NPAS3: variants seen among roughly 807,000 people sequenced by gnomAD.
NPAS3 encodes neuronal PAS domain-containing protein 3.
In NPAS3, 14 loss-of-function variants were observed where a neutral mutation model predicts 73.1. The ratio of observed to expected loss-of-function variants is 0.19; its 90% CI spans 0.13 to 0.30. The LOEUF (loss-of-function observed/expected upper bound fraction) is 0.30, where lower values mean the gene tolerates loss of function less well. Ranked by LOEUF, NPAS3 falls within the 10% of genes least tolerant of loss-of-function variation. The probability of loss-of-function intolerance (pLI) is 1.00; values close to 1 mark genes in which losing one functional copy is unlikely to be tolerated. For missense variants in NPAS3, 1,096 were observed against 1,250.0 expected, an observed-to-expected ratio of 0.88 and a Z score of 1.86; for synonymous variants, 620 against 541.5, an observed-to-expected ratio of 1.14 and a Z score of -2.01.
intron 4 of NPAS3, among the ~76,000 whole-genome samples, chr14:33,515,284 A>C (rs2140047989): frequency 6.6e-6 from 1 of 152,248 alleles, no homozygotes; most frequent in East Asian, 1.9e-4. Flanking sequence ...ACATGGAATA[A>C]GAATGAGTAA....
At chr14:33,621,367 A>G (rs924313945) in intron 5 of NPAS3, among the ~76,000 whole-genome samples, 9 of 152,188 alleles carry the variant, frequency 5.9e-5, no homozygotes, top group Admixed American at 6.5e-5. Context: ...CAAAGTGTTC[A>G]TGTAAAAATC....
At chr14:33,670,856 G>A (rs906053950) in intron 5 of NPAS3, among the ~76,000 whole-genome samples, 10 of 149,796 alleles carry the variant, frequency 6.7e-5, no homozygotes, top group Non-Finnish European at 1.5e-4. Context: ...AGTGGGGCCT[G>A]GATGCAGAAG....
rs377484678 is a variant in NPAS3, at chr14:33,570,617, C to T, written c.558+10407C>T. ...TCCACTACATTTCAAAACCTTTTCA[C>T]TTGAGCAGACAAGTAAATCATGCAA... On this transcript the variant is annotated intron_variant, in intron 5 of 11. Coordinates refer to ENST00000356141, the Ensembl canonical transcript of NPAS3. 1.2e-4 allele frequency among the ~76,000 whole-genome samples: 18 copies of T among 152,284 alleles called. No homozygotes were observed. The South Asian group carries it at 3.7e-3, about 32-fold the overall frequency.
chr14:33,548,683 T>C (rs1222929104), intron 4 of NPAS3, among the ~76,000 whole-genome samples: 1 of 152,216 alleles, frequency 6.6e-6, no homozygotes, highest in Non-Finnish European at 1.5e-5. Flanking sequence ...GTAGATTGTT[T>C]TGTGGCAATC....
At chr14:33,545,027 CACCCTGTATTTCCTT>C (rs1439036465) in intron 4 of NPAS3, among the ~76,000 whole-genome samples, 1 of 150,984 alleles carries the variant, frequency 6.6e-6, no homozygotes, top group Non-Finnish European at 1.5e-5. Context: ...CCAAGTGTCC[CACCCTGTATTTCCTT>C]AATTTGTCTC....
chr14:33,459,194 G>A (rs945236718), intron 4 of NPAS3, among the ~76,000 whole-genome samples: 7 of 152,050 alleles, frequency 4.6e-5, no homozygotes, highest in Admixed American at 6.6e-5. Flanking sequence ...GGTTTTGGCC[G>A]GCTTCTTCAC....
chr14:33,075,536 C>G (rs995781941), intron 2 of NPAS3, among the ~76,000 whole-genome samples: 1 of 152,148 alleles, frequency 6.6e-6, no homozygotes, highest in Non-Finnish European at 1.5e-5. Flanking sequence ...GTACTTGATT[C>G]TCTTGAGATT....
At chr14:33,673,741 T>C (rs1183374747) in intron 5 of NPAS3, among the ~76,000 whole-genome samples, 1 of 152,166 alleles carries the variant, frequency 6.6e-6, no homozygotes, top group Non-Finnish European at 1.5e-5. Flanking sequence ...TGGAATACAA[T>C]GTGAATGGTT....
chr14:33,580,157 G>A (rs911406739), intron 5 of NPAS3, among the ~76,000 whole-genome samples: 8 of 152,118 alleles, frequency 5.3e-5, no homozygotes, highest in African/African-American at 1.4e-4. Context: ...CTAAGATGCA[G>A]AATTTGGCCA....
At chr14:33,708,621 G>A (rs2060727955) in intron 6 of NPAS3, among the ~76,000 whole-genome samples, 1 of 152,158 alleles carries the variant, frequency 6.6e-6, no homozygotes, top group Non-Finnish European at 1.5e-5. Context: ...TGAAAAGCAA[G>A]ATGGCAAAAC....
chr14:33,101,169 C>A (rs191682783), intron 2 of NPAS3, among the ~76,000 whole-genome samples: 95 of 152,240 alleles, frequency 6.2e-4, no homozygotes, highest in African/African-American at 2.2e-3. Context: ...TGACATACAC[C>A]TCAGTATCTA....
At chr14:33,479,390 T>C (rs1179670729) in intron 4 of NPAS3, among the ~76,000 whole-genome samples, 2 of 152,070 alleles carry the variant, frequency 1.3e-5, no homozygotes, top group Non-Finnish European at 2.9e-5. Flanking sequence ...ACCCCCAAAC[T>C]GTGAGGTCCC....
At position 33,789,583 on chromosome 14, in the gene NPAS3, CTT is replaced by C. The variant is rs10567527; in HGVS notation, c.1154-4292_1154-4291del. Among the ~76,000 whole-genome samples, 109 of 92,410 alleles carry C rather than the reference CTT, an allele frequency of 1.2e-3. 1 individual carries two copies. Among genetic ancestry groups the C allele is most frequent in the African/African-American group, 4.4e-3 (102 of 23,084 alleles). 60.6% of individuals were successfully genotyped at this position (92,410 alleles called of 152,430 possible). A position where few individuals can be genotyped will look rare whatever the true frequency, so the allele number is the denominator to read the frequency against. On this transcript the variant is annotated intron_variant, in intron 9 of 11. Coordinates refer to ENST00000356141, the Ensembl canonical transcript of NPAS3. ...ACTAAAAGTAATTACTAGAGTACAA[CTT>C]TTTTTTTTTTTTTTTTTTTTTGAGA... is the stretch of plus-strand genomic sequence containing the variant.
At chr14:33,585,069 T>C (rs1184932476) in intron 5 of NPAS3, among the ~76,000 whole-genome samples, 6 of 150,224 alleles carry the variant, frequency 4.0e-5, no homozygotes. Context: ...CAATTCTTTC[T>C]TTTTTTTCGC....
intron 1 of NPAS3, among the ~76,000 whole-genome samples, chr14:32,951,925 C>T (rs112465489): frequency 3.4e-4 from 52 of 151,920 alleles, no homozygotes; most frequent in Admixed American, 1.6e-3. Context: ...TGAAGATTTA[C>T]GAGTGGATAA....
intron 4 of NPAS3, among the ~76,000 whole-genome samples, chr14:33,498,931 A>AGT (rs768888278): frequency 0.01 from 1,193 of 118,994 alleles, 5 homozygotes; most frequent in East Asian, 0.038. Context: ...AGAGACAGAG[A>AGT]GAGAGTGTGT....
intron 1 of NPAS3, among the ~76,000 whole-genome samples, chr14:32,941,282 T>TC (rs1189693097): frequency 0.032 from 503 of 15,828 alleles, 54 homozygotes; most frequent in South Asian, 0.052. Flanking sequence ...CCCTCCTCCC[T>TC]CCCTCCCTCC....
chr14:33,606,972 A>G (rs2140027106), intron 5 of NPAS3, among the ~76,000 whole-genome samples: 1 of 152,336 alleles, frequency 6.6e-6, no homozygotes, highest in Non-Finnish European at 1.5e-5. Context: ...CACATAAATG[A>G]TATTCAACAT....
At chr14:33,446,377 T>C (rs890654597) in intron 4 of NPAS3, among the ~76,000 whole-genome samples, 1 of 151,458 alleles carries the variant, frequency 6.6e-6, no homozygotes, top group Non-Finnish European at 1.5e-5. Flanking sequence ...GGGTTTCACC[T>C]TGTTAGCCAG....
Sources: gnomAD v4.1 joint callset for allele counts (sites outside exome capture counted in the v4.1 genomes callset) on GRCh38, gnomAD v4.1.1 for gene constraint, MANE v1.5 for transcripts, NCBI Gene and HGNC (gene_info 2026-07-23, HGNC 2026-07-21) for gene names.